The following DACH2 variants were observed in gnomAD, a reference collection of about 807,000 sequenced individuals.
DACH2 encodes dachshund family transcription factor 2, also known as dachshund homolog 2.
In DACH2, 17 loss-of-function variants were observed where a neutral mutation model predicts 35.8. The ratio of observed to expected loss-of-function variants is 0.48; its 90% CI spans 0.33 to 0.71. The LOEUF (loss-of-function observed/expected upper bound fraction) is 0.71, where lower values mean the gene tolerates loss of function less well. Ranked by LOEUF, DACH2 falls within the 30% of genes least tolerant of loss-of-function variation. The pLI, the probability that DACH2 is intolerant of heterozygous loss-of-function variation, is 0.02. For missense variants in DACH2, 469 were observed against 472.7 expected (o/e 0.99, Z 0.07); for synonymous variants, 195 against 177.3 (o/e 1.10, Z -0.79).
chrX:86,389,174 C>T lies in DACH2; in HGVS notation c.527+12312C>T, dbSNP rs190911185. ...TTCACTACAGTTTTCCACCAAATAT[C>T]TTAGTTCTTTATTTGATTGAAATGA... On this transcript the variant is annotated intron_variant, in intron 2 of 11. Coordinates refer to ENST00000373125, the MANE Select transcript of DACH2 (RefSeq NM_053281.3). Among the ~76,000 whole-genome samples, 433 of 111,834 alleles carry T rather than the reference C, an allele frequency of 3.9e-3. 2 individuals carry two copies. Among genetic ancestry groups the T allele is most frequent in the African/African-American group, 0.013 (411 of 30,853 alleles).
intron 2 of DACH2, among the ~76,000 whole-genome samples, chrX:86,454,957 A>G (rs1313528553): frequency 9.0e-6 from 1 of 110,996 alleles, no homozygotes; most frequent in African/African-American, 3.3e-5. Context: ...ATGGGGTTTT[A>G]TGGGGACATT....
chrX:86,296,168 A>C (rs1164015925), intron 1 of DACH2, among the ~76,000 whole-genome samples: 2 of 106,970 alleles, frequency 1.9e-5, no homozygotes, highest in Non-Finnish European at 3.9e-5. Context: ...TCACGAGGTC[A>C]GGAGATCGAG....
intron 6 of DACH2, among the ~76,000 whole-genome samples, chrX:86,719,894 C>G (rs2041381232): frequency 9.3e-6 from 1 of 107,924 alleles, no homozygotes; most frequent in Non-Finnish European, 1.9e-5. Flanking sequence ...CAATCATACC[C>G]TTTCAATAGT....
At chrX:86,298,191 G>A (rs1364390061) in intron 1 of DACH2, among the ~76,000 whole-genome samples, 1 of 111,772 alleles carries the variant, frequency 8.9e-6, no homozygotes, top group African/African-American at 3.3e-5. Flanking sequence ...TCATTAGATG[G>A]AGATGGCTGG....
chrX:86,293,262 T>C (rs2034352016), intron 1 of DACH2, among the ~76,000 whole-genome samples: 1 of 110,734 alleles, frequency 9.0e-6, no homozygotes, highest in Non-Finnish European at 1.9e-5. Flanking sequence ...GCCTTTTTTT[T>C]TGTTTTCCAT....
intron 2 of DACH2, among the ~76,000 whole-genome samples, chrX:86,453,011 G>T (rs993428320): frequency 4.8e-4 from 53 of 111,530 alleles, no homozygotes; most frequent in African/African-American, 1.6e-3. Context: ...ATTCTGGTAT[G>T]TTGCCTGTTT....
intron 2 of DACH2, among the ~76,000 whole-genome samples, chrX:86,446,969 T>G (rs1331959178): frequency 1.3e-5 from 1 of 77,216 alleles, no homozygotes; most frequent in African/African-American, 4.8e-5. Context: ...GTTTCCTGAC[T>G]TTTTAATGAT....
chrX:86,194,224 T>C (rs1375980393), intron 1 of DACH2, among the ~76,000 whole-genome samples: 2 of 112,017 alleles, frequency 1.8e-5, no homozygotes, highest in East Asian at 5.5e-4. Flanking sequence ...TCAAAAATAA[T>C]GCTCATAAGT....
intron 6 of DACH2, among the ~76,000 whole-genome samples, chrX:86,730,926 A>T (rs939822990): frequency 9.0e-6 from 1 of 111,491 alleles, no homozygotes; most frequent in African/African-American, 3.3e-5. Flanking sequence ...AGGTTATGGG[A>T]TGTATGCAAC....
Position 86,789,944 on chromosome X carries a change from A to T in DACH2, c.1241-22912A>T, listed in dbSNP as rs185246493. On this transcript the variant is annotated intron_variant, in intron 7 of 11. Coordinates refer to ENST00000373125, the MANE Select transcript of DACH2 (RefSeq NM_053281.3). The stretch of plus-strand genomic sequence containing the variant: ...GAATGGAATTAACCAAAGGAAAATT[A>T]CAATGAATAATTGATTTTCTCGGTT... Among the ~76,000 whole-genome samples, 342 of 112,140 alleles carry T rather than the reference A, an allele frequency of 3.0e-3. 1 individual carries two copies. Among genetic ancestry groups the T allele is most frequent in the African/African-American group, 0.01 (325 of 30,954 alleles).
chrX:86,594,789 C>G (rs768639791), intron 3 of DACH2, among the ~76,000 whole-genome samples: 1 of 111,594 alleles, frequency 9.0e-6, no homozygotes, highest in South Asian at 3.7e-4. Flanking sequence ...CAAGTAGAGC[C>G]AGTTGACTGA....
intron 11 of DACH2, among the ~76,000 whole-genome samples, chrX:86,826,678 G>A (rs1212317265): frequency 2.7e-5 from 3 of 111,912 alleles, no homozygotes; most frequent in African/African-American, 6.5e-5. Flanking sequence ...TCTTTGATTT[G>A]AGAATATCAT....
chrX:86,317,079 T>A (rs1264074546), intron 1 of DACH2, among the ~76,000 whole-genome samples: 2 of 97,363 alleles, frequency 2.1e-5, no homozygotes, highest in Admixed American at 1.2e-4. Context: ...ATTGCACTAC[T>A]GCACTCCAGC....
chrX:86,284,034 C>T (rs1400164837), intron 1 of DACH2, among the ~76,000 whole-genome samples: 1 of 110,680 alleles, frequency 9.0e-6, no homozygotes, highest in Non-Finnish European at 1.9e-5. Context: ...TAATATTATA[C>T]CCTCTGCAAA....
intron 4 of DACH2, among the ~76,000 whole-genome samples, chrX:86,683,493 A>G (rs1569466577): frequency 8.9e-6 from 1 of 111,748 alleles, no homozygotes; most frequent in African/African-American, 3.2e-5. Flanking sequence ...ACTGTATCCT[A>G]TTATACAATC....
intron 1 of DACH2, among the ~76,000 whole-genome samples, chrX:86,196,696 A>G (rs1334343118): frequency 1.1e-5 from 1 of 95,062 alleles, no homozygotes; most frequent in African/African-American, 4.6e-5. Flanking sequence ...CCATCTCAAA[A>G]AAAAAAAAAA....
At chrX:86,802,163 T>C (rs951365040) in intron 7 of DACH2, among the ~76,000 whole-genome samples, 1 of 111,412 alleles carries the variant, frequency 9.0e-6, no homozygotes, top group African/African-American at 3.3e-5. Context: ...AGCCCAGTGG[T>C]TTTTTGAATT....
chrX:86,219,520 C>T (rs2032653330), intron 1 of DACH2, among the ~76,000 whole-genome samples: 1 of 111,152 alleles, frequency 9.0e-6, no homozygotes. Flanking sequence ...ATGAACAATG[C>T]TTTTAAATAG....
chrX:86,533,274 G>T (rs2038750592), intron 3 of DACH2, among the ~76,000 whole-genome samples: 1 of 111,356 alleles, frequency 9.0e-6, no homozygotes. Flanking sequence ...GCTGGTCTCT[G>T]ACTCCCCAAA....
Sources: gnomAD v4.1 joint callset for allele counts (sites outside exome capture counted in the v4.1 genomes callset) on GRCh38, gnomAD v4.1.1 for gene constraint, MANE v1.5 for transcripts, NCBI Gene and HGNC (gene_info 2026-07-23, HGNC 2026-07-21) for gene names.